The following CDH4 variants were observed in gnomAD, a reference collection of about 807,000 sequenced individuals.
CDH4 encodes the protein cadherin-4.
CDH4 carries 33 observed loss-of-function variants against 86.0 expected under a neutral mutation model. That is an observed-to-expected ratio of 0.38 (90% CI 0.29 to 0.51). The LOEUF (loss-of-function observed/expected upper bound fraction) is 0.51. Among genes scored for constraint, CDH4 ranks in the 20% least tolerant of loss-of-function variants. CDH4 has a pLI of 0.86. For synonymous variants in CDH4, 555 were observed against 549.4 expected (o/e 1.01, Z -0.14); for missense variants, 1,114 against 1,307.4 (o/e 0.85, Z 2.28).
At chr20:61,567,824 T>G (rs1349362161) in intron 2 of CDH4, among the ~76,000 whole-genome samples, 2 of 151,940 alleles carry the variant, frequency 1.3e-5, no homozygotes, top group Non-Finnish European at 2.9e-5. Context: ...TGTTAAAAAG[T>G]TAGCCAGGTG....
At chr20:61,856,948 A>G (rs1983041238) in intron 6 of CDH4, among the ~76,000 whole-genome samples, 1 of 152,146 alleles carries the variant, frequency 6.6e-6, no homozygotes, top group African/African-American at 2.4e-5. Flanking sequence ...GCCGGTTTTC[A>G]ACCCCACCCT....
intron 2 of CDH4, among the ~76,000 whole-genome samples, chr20:61,589,697 G>T (rs1352969586): frequency 6.6e-6 from 1 of 151,956 alleles, no homozygotes; most frequent in Non-Finnish European, 1.5e-5. Flanking sequence ...ATGCTGGTGT[G>T]CTGCACCCAT....
intron 2 of CDH4, among the ~76,000 whole-genome samples, chr20:61,429,067 T>A (rs1004545744): frequency 7.0e-6 from 1 of 143,780 alleles, no homozygotes; most frequent in African/African-American, 2.4e-5. Context: ...CGGTAACTTA[T>A]GTTACCGTCA....
At chr20:61,652,948 T>A (rs553919683) in intron 2 of CDH4, among the ~76,000 whole-genome samples, 1 of 123,416 alleles carries the variant, frequency 8.1e-6, no homozygotes, top group East Asian at 2.0e-4. Context: ...ATTTTTTTTT[T>A]TTTTTTTATT....
At chr20:61,283,451 G>A (rs1600832554) in intron 2 of CDH4, among the ~76,000 whole-genome samples, 1 of 149,438 alleles carries the variant, frequency 6.7e-6, no homozygotes. Flanking sequence ...TGTGTGTGAT[G>A]TGTGTGCGTT....
intron 2 of CDH4, among the ~76,000 whole-genome samples, chr20:61,470,127 T>C (rs1254397945): frequency 6.6e-6 from 1 of 152,186 alleles, no homozygotes; most frequent in Non-Finnish European, 1.5e-5. Flanking sequence ...AGGGGTTGCA[T>C]TGAATCCATA....
intron 2 of CDH4, among the ~76,000 whole-genome samples, chr20:61,365,577 A>C (rs1416061334): frequency 6.6e-6 from 1 of 152,120 alleles, no homozygotes; most frequent in East Asian, 1.9e-4. Context: ...GGGTGGGCTC[A>C]GTGTGGGGGT....
At chr20:61,402,149 T>G (rs988384612) in intron 2 of CDH4, among the ~76,000 whole-genome samples, 2 of 152,176 alleles carry the variant, frequency 1.3e-5, no homozygotes, top group African/African-American at 4.8e-5. Flanking sequence ...CATCTCTCAG[T>G]ATCTGTGGAG....
At chr20:61,580,038 C>T (rs1249016288) in intron 2 of CDH4, among the ~76,000 whole-genome samples, 1 of 151,974 alleles carries the variant, frequency 6.6e-6, no homozygotes, top group East Asian at 1.9e-4. Flanking sequence ...TAGGAAGCAG[C>T]TGACTTTGCA....
rs1336035527 is a variant in CDH4, at chr20:61,810,552, C to T, written c.577-34116C>T. On this transcript the variant is annotated intron_variant, in intron 4 of 15. Transcript: ENST00000614565. The surrounding 1 kb of genome is among the most constrained non-coding windows in gnomAD (Gnocchi z 4.3). ...AGGGAGCCACAGGCACACAGGAAGC[C>T]CGAGAGAGCCCCAGCCCGTGTGCCC... 6.6e-6 allele frequency among the ~76,000 whole-genome samples: 1 copy of T among 152,170 alleles called. No individual in the cohort carries two copies. Among genetic ancestry groups the T allele is most frequent in the African/African-American group, 2.4e-5 (1 of 41,432 alleles).
chr20:61,511,977 G>A (rs535413313), intron 2 of CDH4, among the ~76,000 whole-genome samples: 34 of 152,258 alleles, frequency 2.2e-4, no homozygotes, highest in African/African-American at 7.5e-4. Flanking sequence ...TGTGAAGCTC[G>A]CCTGCTGGGA....
intron 2 of CDH4, among the ~76,000 whole-genome samples, chr20:61,330,382 G>A (rs1249277601): frequency 1.3e-5 from 2 of 152,304 alleles, no homozygotes; most frequent in African/African-American, 4.8e-5. Context: ...AGCATCCACT[G>A]TTGTTTGACT....
chr20:61,745,655 G>T (rs1274293794), intron 3 of CDH4, among the ~76,000 whole-genome samples: 1 of 152,042 alleles, frequency 6.6e-6, no homozygotes, highest in Non-Finnish European at 1.5e-5. Flanking sequence ...GCCACGCCCT[G>T]GTGAGCAAGG....
intron 2 of CDH4, among the ~76,000 whole-genome samples, chr20:61,530,491 C>T (rs757315430): frequency 7.9e-5 from 12 of 151,954 alleles, no homozygotes; most frequent in Admixed American, 2.6e-4. Context: ...GGAGGGATGC[C>T]GTGGCAAGGG....
At chr20:61,597,536 G>A (rs1449046209) in intron 2 of CDH4, among the ~76,000 whole-genome samples, 1 of 152,202 alleles carries the variant, frequency 6.6e-6, no homozygotes, top group Non-Finnish European at 1.5e-5. Context: ...CCTGTCCTGG[G>A]GCATCAGGGC....
chr20:61,421,961 G>T (rs2085180054), intron 2 of CDH4, among the ~76,000 whole-genome samples: 1 of 152,116 alleles, frequency 6.6e-6, no homozygotes, highest in South Asian at 2.1e-4. Context: ...GAGCAGTGTG[G>T]GGCTGACACA....
intron 2 of CDH4, among the ~76,000 whole-genome samples, chr20:61,565,412 C>G (rs28583000): frequency 0.41 from 30,473 of 74,672 alleles, 10,947 homozygotes; most frequent in African/African-American, 0.58. Flanking sequence ...TGGCGGTGCT[C>G]TTGCTATTGT....
At chr20:61,285,762 C>T (rs919033868) in intron 2 of CDH4, among the ~76,000 whole-genome samples, 13 of 152,246 alleles carry the variant, frequency 8.5e-5, no homozygotes, top group Non-Finnish European at 1.9e-4. Flanking sequence ...GATTACTCTG[C>T]AGACATGGAA....
In CDH4 at chr20:61,928,217, C is replaced by T. The variant is rs544179191; in HGVS notation, c.1799C>T (p.Thr600Ile). 7.5e-6 allele frequency: 12 copies of T among 1,602,884 alleles called. No individual in the cohort carries two copies. The highest frequency in any genetic ancestry group is 2.2e-5 in the East Asian group (1 of 44,880). The change falls in exon 12 of 16, where the codon ACC becomes ATC. Residue 600 changes from threonine (T) to isoleucine (I), a missense_variant. This residue lies in a region of CDH4 where 705 missense variants were observed against 914.1 expected (regional missense o/e 0.77). Coordinates refer to ENST00000614565, the MANE Select transcript of CDH4 (RefSeq NM_001794.5). Reference sequence around the variant, plus strand: ...ATACCCCCGGCCAGCGGCACCGGGACCCTCCAGATCTATCTCATTGACATC... The same window carrying T: ...ATACCCCCGGCCAGCGGCACCGGGATCCTCCAGATCTATCTCATTGACATC... The part of the protein sequence containing the change: ...NGIPPASGTG[T>I]LQIYLIDIND...
Sources: gnomAD v4.1 joint callset for allele counts (sites outside exome capture counted in the v4.1 genomes callset) on GRCh38, gnomAD v4.1.1 for gene constraint, gnomAD v4.1.1 regional missense constraint, Gnocchi (gnomAD v3.1) non-coding constraint, MANE v1.5 for transcripts, NCBI Gene and HGNC (gene_info 2026-07-23, HGNC 2026-07-21) for gene names.